The following SYN2 variants were observed in gnomAD, a reference collection of about 807,000 sequenced individuals.
The protein encoded by SYN2 is synapsin-2.
SYN2 carries 19 observed loss-of-function variants against 50.9 expected under a neutral mutation model. The observed-to-expected ratio is 0.37, with a 90% CI of 0.26 to 0.55. The LOEUF (loss-of-function observed/expected upper bound fraction) is 0.55. Ranked by LOEUF, SYN2 falls within the 20% of genes least tolerant of loss-of-function variation. SYN2 has a pLI of 0.81. For synonymous variants in SYN2, 255 were observed against 224.9 expected, an observed-to-expected ratio of 1.13 and a Z score of -1.20; for missense variants, 587 against 576.4, an observed-to-expected ratio of 1.02 and a Z score of -0.19.
intron 1 of SYN2, among the ~76,000 whole-genome samples, chr3:12,087,822 C>T (rs966642071): frequency 3.9e-5 from 6 of 151,926 alleles, no homozygotes; most frequent in African/African-American, 1.5e-4. Context: ...TAAGAACAGA[C>T]AATGGGGAAA....
chr3:12,183,986 C>G, intron 11 of SYN2: 1 of 986,310 alleles, frequency 1.0e-6, no homozygotes, highest in Non-Finnish European at 1.2e-6. Context: ...TTTTCAAGAT[C>G]AAACTTCCAT....
chr3:12,167,106 C>A, intron 7 of SYN2, 128 bp from the exon 8 acceptor site: 1 of 901,966 alleles, frequency 1.1e-6, no homozygotes, highest in Non-Finnish European at 1.7e-6. Flanking sequence ...AGCAGACAGA[C>A]CCCTGGGCTA....
chr3:12,075,503 T>TAATAAAA (rs1695450007), intron 1 of SYN2, among the ~76,000 whole-genome samples: 3 of 152,144 alleles, frequency 2.0e-5, no homozygotes, highest in Admixed American at 1.3e-4. Flanking sequence ...AATAAAAGGA[T>TAATAAAA]GCCTTGCTAT....
intron 5 of SYN2, chr3:12,159,359 T>G (rs1224376660): frequency 6.5e-6 from 1 of 154,416 alleles, no homozygotes; most frequent in Non-Finnish European, 1.4e-5. Context: ...AGCTGCACGC[T>G]GGGAATGAGA....
intron 5 of SYN2, among the ~76,000 whole-genome samples, chr3:12,152,382 G>T (rs1368259286): frequency 6.6e-6 from 1 of 152,200 alleles, no homozygotes; most frequent in African/African-American, 2.4e-5. Context: ...AGGAAGCCTT[G>T]CAGAGGCTGA....
At chr3:12,096,928 A>G (rs1310208888) in intron 1 of SYN2, among the ~76,000 whole-genome samples, 3 of 152,178 alleles carry the variant, frequency 2.0e-5, no homozygotes, top group East Asian at 1.9e-4. Context: ...AACATAAACA[A>G]TGAGAGTCCC....
At chr3:12,021,631 C>T (rs1386561225) in intron 1 of SYN2, among the ~76,000 whole-genome samples, 1 of 151,978 alleles carries the variant, frequency 6.6e-6, no homozygotes, top group Non-Finnish European at 1.5e-5. Context: ...TGTCTTTTGG[C>T]AGTTTGTTTG....
chr3:12,188,241 G>A (rs1453291480), intron 12 of SYN2, among the ~76,000 whole-genome samples: 1 of 152,224 alleles, frequency 6.6e-6, no homozygotes, highest in Non-Finnish European at 1.5e-5. Flanking sequence ...CCCACACCCA[G>A]CAATCAACCC....
intron 1 of SYN2, among the ~76,000 whole-genome samples, chr3:12,122,245 A>G (rs1696576422): frequency 6.6e-6 from 1 of 152,182 alleles, no homozygotes; most frequent in Admixed American, 6.5e-5. Context: ...AAAAAAGAGA[A>G]CAATTTTCTT....
chr3:12,053,219 G>C (rs1376481328), intron 1 of SYN2, among the ~76,000 whole-genome samples: 1 of 152,034 alleles, frequency 6.6e-6, no homozygotes, highest in Non-Finnish European at 1.5e-5. Context: ...TTAGGAGTTC[G>C]AGACTAGCCT....
intron 10 of SYN2, among the ~76,000 whole-genome samples, chr3:12,178,176 C>G (rs138108906): frequency 9.4e-4 from 143 of 152,326 alleles, no homozygotes; most frequent in Non-Finnish European, 1.6e-3. Context: ...CAGAATAGTT[C>G]TGTGGCGTGT....
intron 4 of SYN2, among the ~76,000 whole-genome samples, chr3:12,147,322 G>T (rs2125221338): frequency 6.6e-6 from 1 of 152,224 alleles, no homozygotes; most frequent in Middle Eastern, 3.4e-3. Flanking sequence ...GGAGAGCTTG[G>T]AGTGTAAGAA....
chr3:12,184,574 G>A (rs1559459384), intron 11 of SYN2: 1 of 985,900 alleles, frequency 1.0e-6, no homozygotes, highest in Non-Finnish European at 1.2e-6. Flanking sequence ...GTTCTCAGCT[G>A]TTTACCACAG....
At chr3:12,051,533 G>T (rs752046356) in intron 1 of SYN2, among the ~76,000 whole-genome samples, 34 of 152,124 alleles carry the variant, frequency 2.2e-4, no homozygotes, top group Non-Finnish European at 4.3e-4. Context: ...ATTTCTTTTA[G>T]TACATATGAA....
Position 12,145,675 on chromosome 3 carries a change from C to A in SYN2, c.528-4C>A. 1 of 1,613,760 alleles carries A rather than the reference C, an allele frequency of 6.2e-7. No individual in the cohort carries two copies. The highest frequency in any genetic ancestry group is 8.5e-7 in the Non-Finnish European group (1 of 1,179,728). On this transcript the variant is annotated splice_region_variant and splice_polypyrimidine_tract_variant and intron_variant, in intron 3 of 12. Coordinates refer to ENST00000621198, the MANE Select transcript of SYN2 (RefSeq NM_133625.6). ...TGGCAAACCTGCCTCTACCTTCTCA[C>A]CAGGTCCTTCCGGCCAGACTTCGTG...
chr3:12,088,206 A>G (rs889413221), intron 1 of SYN2, among the ~76,000 whole-genome samples: 2 of 152,184 alleles, frequency 1.3e-5, no homozygotes, highest in Non-Finnish European at 2.9e-5. Flanking sequence ...AACTCAAACA[A>G]CTCAATAACA....
chr3:12,178,073 C>T (rs1026054724), intron 10 of SYN2, among the ~76,000 whole-genome samples: 11 of 152,208 alleles, frequency 7.2e-5, no homozygotes, highest in Non-Finnish European at 1.2e-4. Flanking sequence ...CCCTTTGCAC[C>T]GACTAAACCT....
In SYN2 at chr3:12,015,697, T is replaced by C. The variant is rs35980243; in HGVS notation, c.377+10769T>C. The stretch of plus-strand genomic sequence containing the variant: ...CTCTCCCTCATTCACCCTTGTCTGA[T>C]GTTCCTAAACACCCCATGCTTGTTT... On this transcript the variant is annotated intron_variant, in intron 1 of 12. Coordinates refer to ENST00000621198, the MANE Select transcript of SYN2 (RefSeq NM_133625.6). Among the ~76,000 whole-genome samples, 530 of 152,368 alleles carry C rather than the reference T, an allele frequency of 3.5e-3. 7 individuals carry two copies. The highest frequency in any genetic ancestry group is 4.3e-3 in the Non-Finnish European group (294 of 68,040).
chr3:12,059,346 G>A (rs1695065303), intron 1 of SYN2, among the ~76,000 whole-genome samples: 1 of 152,196 alleles, frequency 6.6e-6, no homozygotes, highest in Non-Finnish European at 1.5e-5. Flanking sequence ...AGTGGGTGGT[G>A]GGCCCACAGG....
Sources: allele counts gnomAD v4.1 joint callset (sites outside exome capture counted in the v4.1 genomes callset), GRCh38; gene constraint gnomAD v4.1.1; transcripts MANE v1.5; gene names NCBI Gene and HGNC (gene_info 2026-07-23, HGNC 2026-07-21).